NPC1: variants seen among roughly 807,000 people sequenced by gnomAD.
The protein encoded by NPC1 is NPC intracellular cholesterol transporter 1.
NPC1 carries 85 observed loss-of-function variants against 140.4 expected under a neutral mutation model. The observed-to-expected ratio is 0.61, with a 90% CI of 0.51 to 0.72. NPC1 has a LOEUF of 0.72. Among genes scored for constraint, NPC1 ranks in the 30% least tolerant of loss-of-function variants. NPC1 has a pLI of 0.00. For missense variants in NPC1, 1,504 were observed against 1,623.8 expected, an observed-to-expected ratio of 0.93 and a Z score of 1.27; for synonymous variants, 656 against 624.8, an observed-to-expected ratio of 1.05 and a Z score of -0.74.
chr18:23,570,392 A>G (rs915133029), intron 3 of NPC1, among the ~76,000 whole-genome samples: 1 of 152,194 alleles, frequency 6.6e-6, no homozygotes, highest in African/African-American at 2.4e-5. Flanking sequence ...ATGTGTTTTG[A>G]CTGAGTGTAC....
chr18:23,579,829 A>G (rs769386409), intron 1 of NPC1, among the ~76,000 whole-genome samples: 1 of 151,932 alleles, frequency 6.6e-6, no homozygotes, highest in Non-Finnish European at 1.5e-5. Flanking sequence ...AGGTTGCAGT[A>G]AGCTGAGATC....
chr18:23,573,694 A>G (rs1381444775), intron 1 of NPC1, 120 bp from the exon 2 acceptor site: 1 of 1,135,182 alleles, frequency 8.8e-7, no homozygotes, highest in African/African-American at 1.5e-5. Flanking sequence ...ATTAAGTAAC[A>G]GCAACAGGCA....
intron 19 of NPC1, 65 bp downstream of exon 19, chr18:23,539,290 A>G (rs1171669901): frequency 1.4e-5 from 16 of 1,151,020 alleles, no homozygotes; most frequent in Non-Finnish European, 1.8e-5. Context: ...GATGCAAATG[A>G]TTTTTAAATG....
At chr18:23,575,312 C>T (rs1029851751) in intron 1 of NPC1, among the ~76,000 whole-genome samples, 3 of 152,180 alleles carry the variant, frequency 2.0e-5, no homozygotes, top group Non-Finnish European at 4.4e-5. Context: ...TATTTCAAAG[C>T]AAGTGCTATT....
chr18:23,529,088 C>T (rs778607109), downstream of NPC1: 93 of 1,520,980 alleles, frequency 6.1e-5, no homozygotes, highest in Non-Finnish European at 8.2e-5. Context: ...CCTGGGTCCA[C>T]ATCGAAGAAT....
At chr18:23,541,267 A>T in intron 15 of NPC1, 39 bp downstream of exon 15, 2 of 1,614,158 alleles carry the variant, frequency 1.2e-6, no homozygotes, top group Non-Finnish European at 8.5e-7. Context: ...TAGATTCTAG[A>T]CTCAAATTAA....
chr18:23,574,844 T>C (rs145850959), intron 1 of NPC1, among the ~76,000 whole-genome samples: 2 of 152,186 alleles, frequency 1.3e-5, no homozygotes, highest in African/African-American at 4.8e-5. Flanking sequence ...ACTATTTTTA[T>C]ATAAAGAGAA....
In NPC1 at chr18:23,581,836, C is replaced by T. The variant is rs80298678; in HGVS notation, c.57+4451G>A. On this transcript the variant is annotated intron_variant, in intron 1 of 24. Coordinates refer to ENST00000269228, the MANE Select transcript of NPC1 (RefSeq NM_000271.5). ...ATAGCTCAGCTCAAAAATGGACTCT[C>T]CATAACATTTTATCTTTATTCTTAT... Among the ~76,000 whole-genome samples the T allele has an allele frequency of 9.8e-4, 150 of 152,294 alleles. No individual in the cohort carries two copies. In the East Asian group the frequency reaches 0.027, roughly 28 times the overall value.
Position 23,538,611 on chromosome 18 carries a change from T to C in NPC1, c.2972A>G (p.Gln991Arg), listed in dbSNP as rs778552130. 1 of 1,614,066 alleles carries C rather than the reference T, an allele frequency of 6.2e-7. No individual in the cohort carries two copies. The highest frequency in any genetic ancestry group is 1.1e-5 in the South Asian group (1 of 91,072). Reference protein sequence around the residue: ...PLTPEGKQRPQGGDFMRFLPM... With the variant: ...PLTPEGKQRPRGGDFMRFLPM... ...CAGGAATCTCATGAAGTCTCCCCCCTGAGGCCTCTGTTTGCCTTCCGGAGT... is the reference window on the plus strand; with the variant it reads ...CAGGAATCTCATGAAGTCTCCCCCCCGAGGCCTCTGTTTGCCTTCCGGAGT... Residue 991 changes from glutamine to arginine, a missense_variant, in exon 20 of 25, where the codon CAG (glutamine) becomes CGG (arginine). Coordinates refer to ENST00000269228, the MANE Select transcript of NPC1 (RefSeq NM_000271.5).
intron 5 of NPC1, among the ~76,000 whole-genome samples, chr18:23,560,868 C>T (rs2059028648): frequency 6.6e-6 from 1 of 152,192 alleles, no homozygotes; most frequent in Non-Finnish European, 1.5e-5. Context: ...AATTCATTTC[C>T]TCCTCCATTC....
Position 23,536,847 on chromosome 18 carries a change from T to C in NPC1, c.3071A>G (p.Asn1024Ser). 6.2e-7 allele frequency: 1 copy of C among 1,614,092 alleles called. No individual in the cohort carries two copies. The highest frequency in any genetic ancestry group is 1.1e-5 in the South Asian group (1 of 91,070). ...CCTGGTGCCATGGCCAAGGAGGATG[T>C]TAACTGCAGAACTATAGGCAGCATG... ...GGHAAYSSAV[N>S]ILLGHGTRVG... The change falls in exon 21 of 25, where the codon AAC (asparagine) becomes AGC (serine). Residue 1024 changes from asparagine (N) to serine (S), a missense_variant. Asn to Ser is a conservative substitution (Grantham distance 46, BLOSUM62 1). Transcript: ENST00000269228.
At chr18:23,533,014 A>G in intron 24 of NPC1, 1 of 901,490 alleles carries the variant, frequency 1.1e-6, no homozygotes, top group Non-Finnish European at 1.3e-6. Context: ...CTGGTGTGAG[A>G]GCTGGCTGCC....
At chr18:23,513,074 T>C (rs2057906152) in intron 3 of NPC1, among the ~76,000 whole-genome samples, 1 of 152,238 alleles carries the variant, frequency 6.6e-6, no homozygotes, top group South Asian at 2.1e-4. Flanking sequence ...CTGTCTCAGC[T>C]TCCTGAATAG....
chr18:23,546,741 C>G (rs1339511223), intron 11 of NPC1, among the ~76,000 whole-genome samples: 1 of 152,080 alleles, frequency 6.6e-6, no homozygotes, highest in South Asian at 2.1e-4. Flanking sequence ...GATAGCCAGA[C>G]AAAAAAGTCC....
At chr18:23,509,204 C>A (rs1451299521) in intron 3 of NPC1, 1 of 1,399,484 alleles carries the variant, frequency 7.1e-7, no homozygotes, top group Non-Finnish European at 9.4e-7. Flanking sequence ...CTAAGAATGC[C>A]AACATTCTAG....
At chr18:23,580,046 A>G (rs1250739154) in intron 1 of NPC1, among the ~76,000 whole-genome samples, 1 of 152,202 alleles carries the variant, frequency 6.6e-6, no homozygotes, top group African/African-American at 2.4e-5. Flanking sequence ...AGCATTAACT[A>G]ACATATTCAA....
intron 3 of NPC1, chr18:23,506,994 G>A: frequency 6.2e-7 from 1 of 1,608,830 alleles, no homozygotes; most frequent in Non-Finnish European, 8.5e-7. Context: ...GAGAAGTGAA[G>A]TGCATTAAGT....
chr18:23,553,239 C>G (rs2058900275), intron 9 of NPC1, among the ~76,000 whole-genome samples: 1 of 152,160 alleles, frequency 6.6e-6, no homozygotes, highest in South Asian at 2.1e-4. Flanking sequence ...TTATCTTGTG[C>G]CACAGAGAGT....
chr18:23,562,305 AAAACAAAAAAAAC>A (rs1347839385), intron 4 of NPC1, among the ~76,000 whole-genome samples: 2 of 151,976 alleles, frequency 1.3e-5, no homozygotes, highest in African/African-American at 4.8e-5. Context: ...ACAAAAAAAA[AAAACAAAAAAAAC>A]CCCTAATACT....
Sources: allele counts gnomAD v4.1 joint callset (sites outside exome capture counted in the v4.1 genomes callset), GRCh38; gene constraint gnomAD v4.1.1; transcripts MANE v1.5; gene names NCBI Gene and HGNC (gene_info 2026-07-23, HGNC 2026-07-21).